Variants in MPST observed in about 807,000 individuals in gnomAD.
MPST encodes mercaptopyruvate sulfurtransferase.
A neutral mutation model predicts 28.5 loss-of-function variants in MPST; 27 were observed. The ratio of observed to expected loss-of-function variants is 0.95; its 90% CI spans 0.70 to 1.31. The LOEUF (loss-of-function observed/expected upper bound fraction) is 1.31. Among genes scored for constraint, MPST ranks in the 50% most tolerant of loss-of-function variants. The pLI is 0.00. For missense variants in MPST, 492 were observed against 471.1 expected, an observed-to-expected ratio of 1.04 and a Z score of -0.41; for synonymous variants, 204 against 209.3, an observed-to-expected ratio of 0.97 and a Z score of 0.22.
At chr22:37,021,298 C>G (rs959673406) in intron 1 of MPST, among the ~76,000 whole-genome samples, 9 of 152,238 alleles carry the variant, frequency 5.9e-5, no homozygotes, top group Middle Eastern at 6.8e-3. Flanking sequence ...CCTTCACACC[C>G]TCCTTTATGG....
Position 37,025,166 on chromosome 22 carries a change from T to G in MPST, c.655+356T>G, listed in dbSNP as rs1026653955. On this transcript the variant is annotated intron_variant, in intron 2 of 2. Transcript: ENST00000429360. ...TTTGACTTCCACTTGCCTCGGTGAC[T>G]TTGTCTGTTAAGCAGAACCATAATA... 9.1e-6 allele frequency: 12 copies of G among 1,322,130 alleles called. No individual in the cohort carries two copies. The African/African-American group carries it at 1.8e-4, about 20-fold the overall frequency. The allele number at this position is 1,322,130 out of a possible 1,614,324, so 81.9% of individuals were successfully genotyped here. A position where few individuals can be genotyped will look rare whatever the true frequency, so the allele number is the denominator to read the frequency against.
chr22:37,026,046 A>G (rs1489858353), intron 2 of MPST: 1 of 152,190 alleles, frequency 6.6e-6, no homozygotes, highest in Non-Finnish European at 1.5e-5. Flanking sequence ...CATAGGAAAC[A>G]GCTGATATCC....
At chr22:37,024,843 G>C in intron 2 of MPST, 33 bp downstream of exon 2, 3 of 1,595,160 alleles carry the variant, frequency 1.9e-6, no homozygotes, top group South Asian at 1.1e-5. Flanking sequence ...GAGGTCGTCG[G>C]GGGCGCGGCC....
At chr22:37,027,403 T>G (rs1331855683) in intron 2 of MPST, 1 of 152,116 alleles carries the variant, frequency 6.6e-6, no homozygotes, top group Non-Finnish European at 1.5e-5. Context: ...TCCCATTCTT[T>G]CTGCTACAAT....
chr22:37,025,509 C>A, intron 2 of MPST: 1 of 194,904 alleles, frequency 5.1e-6, no homozygotes. Flanking sequence ...TGCCTGTGGG[C>A]TGGATTTCCT....
At chr22:37,024,171 G>T in intron 1 of MPST, 21 bp from the exon 2 acceptor site, 1 of 1,371,762 alleles carries the variant, frequency 7.3e-7, no homozygotes, top group South Asian at 1.7e-5. Context: ...CTTCCCTTCT[G>T]ACATCCTCCC....
intron 1 of MPST, among the ~76,000 whole-genome samples, chr22:37,022,433 G>T (rs558137769): frequency 6.6e-6 from 1 of 152,210 alleles, no homozygotes. Context: ...GTGCCTCGGT[G>T]TCCGGCACAA....
chr22:37,024,521 C>A lies in MPST; in HGVS notation c.366C>A (p.Ala122=), dbSNP rs754920122. The A allele has an allele frequency of 5.1e-6, 8 of 1,566,704 alleles. No homozygotes were observed. The highest frequency in any genetic ancestry group is 6.9e-6 in the Non-Finnish European group (8 of 1,161,186). The part of the protein sequence containing the change: ...GAATHVVIYD[A]SDQGLYSAPR... ...CCACCCACGTCGTGATCTACGACGC[C>A]AGCGACCAGGGCCTCTACTCCGCCC... Residue 122 remains alanine, a synonymous_variant, in exon 2 of 3, where the codon GCC becomes GCA. Transcript: ENST00000429360.
intron 2 of MPST, chr22:37,027,490 T>G (rs578191240): frequency 6.6e-6 from 1 of 152,306 alleles, no homozygotes; most frequent in South Asian, 2.1e-4. Context: ...TTTGGAAGGC[T>G]GAGGTGGGAG....
chr22:37,024,636 C>T lies in MPST; in HGVS notation c.481C>T (p.Pro161Ser). ...CCGCCACTGGCTGCGCCAGAACCTC[C>T]CGCTCAGCTCCGGCAAGAGCCAACC... ...GLRHWLRQNL[P>S]LSSGKSQPAP... The change falls in exon 2 of 3, where the codon CCG becomes TCG. Residue 161 changes from proline to serine, a missense_variant. By Grantham distance (74) the Pro-to-Ser change is moderately conservative (BLOSUM62 -1). Coordinates refer to ENST00000429360, the MANE Select transcript of MPST (RefSeq NM_021126.8). 1 of 1,593,644 alleles carries T rather than the reference C, an allele frequency of 6.3e-7. No homozygotes were observed. The highest frequency in any genetic ancestry group is 8.5e-7 in the Non-Finnish European group (1 of 1,175,148).
chr22:37,019,834 G>C lies in MPST; in HGVS notation c.-3G>C. On this transcript the variant is annotated 5_prime_UTR_variant, in exon 1 of 3. Transcript: ENST00000429360. ...GGGGAGGGGGCGCCGCGCCGCGGGG[G>C]CCATGGCGGAGCCAGGAAGCCGGGA... 8.3e-7 allele frequency: 1 copy of C among 1,211,064 alleles called. No individual in the cohort carries two copies. The highest frequency in any genetic ancestry group is 1.0e-6 in the Non-Finnish European group (1 of 967,532). The allele number at this position is 1,211,064 out of a possible 1,614,324, so 75.0% of individuals were successfully genotyped here.
chr22:37,026,585 G>A (rs1397600016), intron 2 of MPST: 1 of 152,276 alleles, frequency 6.6e-6, no homozygotes, highest in Non-Finnish European at 1.5e-5. Flanking sequence ...CAGCAGGCAG[G>A]GGAAACATGC....
Position 37,029,623 on chromosome 22 carries a change from G to A in MPST, c.*109G>A. 8.4e-6 allele frequency: 10 copies of A among 1,195,212 alleles called. No homozygotes were observed. Among genetic ancestry groups the A allele is most frequent in the Non-Finnish European group, 1.0e-5 (9 of 866,124 alleles). 74.0% of individuals were successfully genotyped at this position (1,195,212 alleles called of 1,614,324 possible). A position where few individuals can be genotyped will look rare whatever the true frequency, so the allele number is the denominator to read the frequency against. ...GAGAGTGTTTCTTCACTCAACTCAG[G>A]TGGCATTTGGGGTGACATCTCAAAG... On this transcript the variant is annotated 3_prime_UTR_variant, in exon 3 of 3. Transcript: ENST00000429360.
chr22:37,029,621 A>G lies in MPST; in HGVS notation c.*107A>G. Reference sequence around the variant, plus strand: ...AAGAGAGTGTTTCTTCACTCAACTCAGGTGGCATTTGGGGTGACATCTCAA... The same window carrying G: ...AAGAGAGTGTTTCTTCACTCAACTCGGGTGGCATTTGGGGTGACATCTCAA... On this transcript the variant is annotated 3_prime_UTR_variant, in exon 3 of 3. Transcript: ENST00000429360. The G allele has an allele frequency of 8.3e-7, 1 of 1,211,768 alleles. No individual in the cohort carries two copies. The highest frequency in any genetic ancestry group is 1.1e-6 in the Non-Finnish European group (1 of 880,438). 75.1% of individuals were successfully genotyped at this position (1,211,768 alleles called of 1,614,324 possible).
At chr22:37,024,847 C>A (rs1486876748) in intron 2 of MPST, 37 bp downstream of exon 2, 1 of 1,592,730 alleles carries the variant, frequency 6.3e-7, no homozygotes. Context: ...TCGTCGGGGG[C>A]GCGGCCTCTA....
At position 37,024,686 on chromosome 22, in the gene MPST, G is replaced by C. The variant is rs775369480; in HGVS notation, c.531G>C (p.Gln177His). Residue 177 changes from glutamine to histidine, a missense_variant, in exon 2 of 3, where the codon CAG becomes CAC. Transcript: ENST00000429360. ...CTGCTCCCGCCGAGTTCCGCGCTCA[G>C]CTCGACCCCGCCTTCATCAAGACCT... The part of the protein sequence containing the change: ...SQPAPAEFRA[Q>H]LDPAFIKTYE... The C allele has an allele frequency of 2.8e-5, 44 of 1,599,312 alleles. No homozygotes were observed. Among genetic ancestry groups the C allele is most frequent in the Middle Eastern group, 1.6e-4 (1 of 6,082 alleles).
Position 37,024,231 on chromosome 22 carries a change from C to G in MPST, c.76C>G (p.Leu26Val). 1 of 1,400,500 alleles carries G rather than the reference C, an allele frequency of 7.1e-7. No homozygotes were observed. The highest frequency in any genetic ancestry group is 9.2e-7 in the Non-Finnish European group (1 of 1,086,954). 86.8% of individuals were successfully genotyped at this position (1,400,500 alleles called of 1,614,324 possible). Residue 26 changes from leucine (L) to valine (V), a missense_variant, in exon 2 of 3, where the codon CTC becomes GTC. Leu to Val is a conservative substitution (Grantham distance 32). Transcript: ENST00000429360. ...PSVAAMASPQ[L>V]CRALVSAQWV... Reference sequence around the variant, plus strand: ...TGTCGCCGCCATGGCTTCGCCGCAGCTCTGCCGCGCGCTGGTGTCGGCGCA... The same window carrying G: ...TGTCGCCGCCATGGCTTCGCCGCAGGTCTGCCGCGCGCTGGTGTCGGCGCA...
chr22:37,024,405 C>T lies in MPST; in HGVS notation c.250C>T (p.Gln84Ter). ...GGGCGCCGCTTTCTTCGACATCGAC[C>T]AGTGCAGCGACCGCACCTCGCCCTA... ...IPGAAFFDID[Q>*]CSDRTSPYDH... Residue 84 changes from glutamine (Q) to a stop codon, truncating the protein, a stop_gained, in exon 2 of 3, where the codon CAG becomes TAG. Transcript: ENST00000429360. LOFTEE classifies it high-confidence loss of function. The T allele has an allele frequency of 2.6e-6, 4 of 1,546,914 alleles. No individual in the cohort carries two copies. The highest frequency in any genetic ancestry group is 3.5e-6 in the Non-Finnish European group (4 of 1,145,690).
At chr22:37,024,963 C>A (rs1469574022) in intron 2 of MPST, 153 bp downstream of exon 2, 2 of 1,509,376 alleles carry the variant, frequency 1.3e-6, no homozygotes, top group Non-Finnish European at 1.8e-6. Context: ...TCCCTTCCCT[C>A]CTTTCCCCCT....
Sources: allele counts gnomAD v4.1 joint callset (sites outside exome capture counted in the v4.1 genomes callset), GRCh38; gene constraint gnomAD v4.1.1; transcripts MANE v1.5; gene names NCBI Gene and HGNC (gene_info 2026-07-23, HGNC 2026-07-21).